UBR2: variants seen among roughly 807,000 people sequenced by gnomAD.
The protein encoded by UBR2 is ubiquitin protein ligase E3 component n-recognin 2.
UBR2 carries 92 observed loss-of-function variants against 247.9 expected under a neutral mutation model. That is an observed-to-expected ratio of 0.37 (90% confidence interval 0.31 to 0.44). UBR2 has a LOEUF of 0.44. UBR2 is among the 20% of genes least tolerant of loss of function. The pLI, the probability that UBR2 is intolerant of heterozygous loss-of-function variation, is 1.00. For missense variants in UBR2, 1,613 were observed against 2,112.6 expected (o/e 0.76, Z 4.64); for synonymous variants, 672 against 693.5 (o/e 0.97, Z 0.49).
chr6:42,602,653 A>G (rs1793458247), intron 4 of UBR2, among the ~76,000 whole-genome samples: 1 of 149,004 alleles, frequency 6.7e-6, no homozygotes, highest in Non-Finnish European at 1.5e-5. Flanking sequence ...TAATATATAC[A>G]AATATATTTT....
At chr6:42,675,758 G>A (rs768596894) in intron 38 of UBR2, among the ~76,000 whole-genome samples, 14 of 152,082 alleles carry the variant, frequency 9.2e-5, no homozygotes, top group East Asian at 7.7e-4. Context: ...TCAGGAGTTC[G>A]AGACCAGCCT....
At chr6:42,567,585 C>T (rs980067679) in intron 1 of UBR2, among the ~76,000 whole-genome samples, 3 of 152,062 alleles carry the variant, frequency 2.0e-5, no homozygotes, top group Admixed American at 6.6e-5. Context: ...AAAAATTAAC[C>T]GGGCATGGTG....
At chr6:42,678,038 G>A (rs1798809240) in intron 40 of UBR2, among the ~76,000 whole-genome samples, 1 of 151,946 alleles carries the variant, frequency 6.6e-6, no homozygotes, top group African/African-American at 2.4e-5. Context: ...TTCTCTTTAT[G>A]TCACTATGTT....
intron 34 of UBR2, among the ~76,000 whole-genome samples, chr6:42,667,199 G>C (rs1798154788): frequency 6.6e-6 from 1 of 152,086 alleles, no homozygotes; most frequent in Non-Finnish European, 1.5e-5. Context: ...AGCCAGGCGT[G>C]GTGGTGCACG....
intron 2 of UBR2, among the ~76,000 whole-genome samples, chr6:42,578,258 C>A (rs1280101273): frequency 6.6e-6 from 1 of 152,144 alleles, no homozygotes; most frequent in African/African-American, 2.4e-5. Context: ...TATGTTTCCA[C>A]AAGCTTACTG....
rs1263301183 is a variant in UBR2, at chr6:42,689,959, G to C, written c.5126+289G>C. Among the ~76,000 whole-genome samples, 2 of 152,176 alleles carry C rather than the reference G, an allele frequency of 1.3e-5. No homozygotes were observed. The highest frequency in any genetic ancestry group is 4.8e-5 in the African/African-American group (2 of 41,440). On this transcript the variant is annotated intron_variant, in intron 46 of 46. Transcript: ENST00000372901. The surrounding 1 kb of genome is among the most constrained non-coding windows in gnomAD (Gnocchi z 4.0). ...AATTGCCATATAGCATCCCAGCTCA[G>C]AGCACTCCAGGGATGGCCCACTCTG... is the stretch of plus-strand genomic sequence containing the variant.
chr6:42,662,049 C>A, intron 30 of UBR2, 135 bp from the exon 31 acceptor site: 1 of 557,984 alleles, frequency 1.8e-6, no homozygotes, highest in Non-Finnish European at 3.1e-6. Context: ...AAATTGGTAT[C>A]TCAGAGGAAT....
chr6:42,655,934 C>T (rs1797416184), intron 26 of UBR2, among the ~76,000 whole-genome samples: 1 of 152,046 alleles, frequency 6.6e-6, no homozygotes, highest in Non-Finnish European at 1.5e-5. Context: ...TTCAAAGTTA[C>T]AGTCAGCTGT....
chr6:42,641,869 A>G (rs1199925636), intron 17 of UBR2, among the ~76,000 whole-genome samples, 177 bp downstream of exon 17: 1 of 152,244 alleles, frequency 6.6e-6, no homozygotes, highest in African/African-American at 2.4e-5. Context: ...GTCAAGAAAT[A>G]ATGGAAAAAG....
At chr6:42,675,805 C>T (rs981127915) in intron 38 of UBR2, among the ~76,000 whole-genome samples, 11 of 151,956 alleles carry the variant, frequency 7.2e-5, no homozygotes, top group Non-Finnish European at 1.2e-4. Flanking sequence ...ACTAAAAATA[C>T]AAAAAGTCGG....
At chr6:42,592,474 TA>T (rs1406102467) in intron 3 of UBR2, among the ~76,000 whole-genome samples, 1 of 152,186 alleles carries the variant, frequency 6.6e-6, no homozygotes, top group African/African-American at 2.4e-5. Context: ...GGTTTTCAAC[TA>T]GTTTGTTTTT....
intron 11 of UBR2, among the ~76,000 whole-genome samples, chr6:42,618,185 G>A (rs192482873): frequency 1.1e-4 from 16 of 152,242 alleles, no homozygotes; most frequent in African/African-American, 1.2e-4. Flanking sequence ...TGAAAATTCC[G>A]TTGGTTTGAG....
At chr6:42,607,650 GAGGACAGGC>G (rs1793788432) in intron 7 of UBR2, among the ~76,000 whole-genome samples, 2 of 29,536 alleles carry the variant, frequency 6.8e-5, no homozygotes, top group African/African-American at 1.5e-4. Context: ...GAGTAGCTGG[GAGGACAGGC>G]ATGTCCCACC....
Position 42,686,782 on chromosome 6 carries a change from G to A in UBR2, c.4854-1434G>A, listed in dbSNP as rs1448389981. Among the ~76,000 whole-genome samples the A allele has an allele frequency of 2.6e-5, 4 of 152,074 alleles. No homozygotes were observed. The East Asian group carries it at 7.8e-4, about 30-fold the overall frequency. ...ACCTCCCGGACTGGGCGGCTGCTGGGCGGAGACGCTCCTCACTTCCCAGAC... is the reference window on the plus strand; with the variant it reads ...ACCTCCCGGACTGGGCGGCTGCTGGACGGAGACGCTCCTCACTTCCCAGAC... On this transcript the variant is annotated intron_variant, in intron 44 of 46. Transcript: ENST00000372901.
chr6:42,573,639 G>A (rs1326313811), intron 1 of UBR2, 95 bp from the exon 2 acceptor site: 1 of 1,321,308 alleles, frequency 7.6e-7, no homozygotes, highest in Non-Finnish European at 9.9e-7. Flanking sequence ...ATATGCTTTT[G>A]TCATTATTTT....
intron 7 of UBR2, among the ~76,000 whole-genome samples, chr6:42,610,455 G>A (rs73440647): frequency 0.023 from 3,555 of 152,244 alleles, 126 homozygotes; most frequent in African/African-American, 0.08. Context: ...ATGAAGGAAT[G>A]GAGAAACAAA....
intron 1 of UBR2, among the ~76,000 whole-genome samples, chr6:42,572,825 C>T (rs1345276682): frequency 6.6e-6 from 1 of 152,090 alleles, no homozygotes; most frequent in Non-Finnish European, 1.5e-5. Flanking sequence ...CTGCCTCAGC[C>T]TCTTGAGTAA....
Position 42,604,945 on chromosome 6 carries a change from T to C in UBR2, c.663-776T>C, listed in dbSNP as rs567777193. Among the ~76,000 whole-genome samples the C allele has an allele frequency of 3.2e-4, 49 of 152,064 alleles. 1 individual carries two copies. The highest frequency in any genetic ancestry group is 7.2e-4 in the Admixed American group (11 of 15,264). On this transcript the variant is annotated intron_variant, in intron 5 of 46. Transcript: ENST00000372901. ...ATGAGGCTGAGGCAGGAGGATCAAT[T>C]GAACCTGGGTGGTTGAGGCTGCAGT...
intron 5 of UBR2, among the ~76,000 whole-genome samples, chr6:42,605,026 CA>C (rs1443620220): frequency 2.8e-5 from 4 of 142,942 alleles, no homozygotes; most frequent in Admixed American, 1.4e-4. Flanking sequence ...GACCCTATCT[CA>C]AAAAAAAAAC....
Sources: gnomAD v4.1 joint callset for allele counts (sites outside exome capture counted in the v4.1 genomes callset) on GRCh38, gnomAD v4.1.1 for gene constraint, Gnocchi (gnomAD v3.1) non-coding constraint, MANE v1.5 for transcripts, NCBI Gene and HGNC (gene_info 2026-07-23, HGNC 2026-07-21) for gene names.